The following PCDHGA8 variants were observed in gnomAD, a reference collection of about 807,000 sequenced individuals.
PCDHGA8 encodes protocadherin gamma-A8.
In PCDHGA8, 45 loss-of-function variants were observed where a neutral mutation model predicts 59.2. The ratio of observed to expected loss-of-function variants is 0.76; its 90% CI spans 0.60 to 0.98. The LOEUF is 0.98. Ranked by LOEUF, PCDHGA8 falls within the 50% of genes least tolerant of loss-of-function variation. The probability of loss-of-function intolerance (pLI) is 0.00; values close to 1 mark genes in which losing one functional copy is unlikely to be tolerated. For synonymous variants in PCDHGA8, 531 were observed against 519.0 expected (o/e 1.02, Z -0.32); for missense variants, 1,257 against 1,196.2 (o/e 1.05, Z -0.75).
intron 1 of PCDHGA8, chr5:141,427,531 A>C: frequency 1.6e-6 from 1 of 620,632 alleles, no homozygotes. Flanking sequence ...ATCCCGGAGT[A>C]CAACGTCACC....
chr5:141,401,770 T>C (rs975272408), intron 1 of PCDHGA8, among the ~76,000 whole-genome samples: 2 of 152,202 alleles, frequency 1.3e-5, no homozygotes, highest in African/African-American at 4.8e-5. Context: ...TATAAGTCTT[T>C]TGCTTGGTTT....
chr5:141,408,202 G>A (rs778320550), intron 1 of PCDHGA8: 6 of 1,549,832 alleles, frequency 3.9e-6, no homozygotes, highest in African/African-American at 1.4e-5. Flanking sequence ...CCGAGCGAAC[G>A]ATGGGAGGGA....
intron 2 of PCDHGA8, among the ~76,000 whole-genome samples, chr5:141,496,955 G>T (rs2099772887): frequency 6.6e-6 from 1 of 152,006 alleles, no homozygotes; most frequent in African/African-American, 2.4e-5. Context: ...GGAGGCCAAG[G>T]TGGGTAGATC....
chr5:141,433,352 T>C (rs976015031), intron 1 of PCDHGA8: 16 of 614,162 alleles, frequency 2.6e-5, no homozygotes, highest in Non-Finnish European at 3.7e-5. Flanking sequence ...AGCCACCTAC[T>C]GTCTGCCTAT....
At chr5:141,423,205 A>G in intron 1 of PCDHGA8, 1 of 1,613,612 alleles carries the variant, frequency 6.2e-7, no homozygotes, top group South Asian at 1.1e-5. Flanking sequence ...GGCCACCGTC[A>G]CGCTCACCGT....
intron 1 of PCDHGA8, chr5:141,403,197 G>T: frequency 6.2e-7 from 1 of 1,613,986 alleles, no homozygotes; most frequent in Non-Finnish European, 8.5e-7. Flanking sequence ...CCGCGCAGCG[G>T]CACCTTGGTC....
At chr5:141,510,845 C>T (rs2099883036) in intron 3 of PCDHGA8, 102 bp from the exon 4 acceptor site, 3 of 1,593,960 alleles carry the variant, frequency 1.9e-6, no homozygotes, top group Non-Finnish European at 2.6e-6. Context: ...TGGTCAAGGC[C>T]CAGGGTGCTG....
intron 1 of PCDHGA8, chr5:141,421,009 T>G (rs948913987): frequency 1.9e-6 from 1 of 515,496 alleles, no homozygotes. Context: ...AATCAGGGAA[T>G]GGGAAGCTGC....
intron 1 of PCDHGA8, chr5:141,408,732 A>AT: frequency 2.5e-6 from 4 of 1,610,016 alleles, no homozygotes; most frequent in Non-Finnish European, 3.4e-6. Context: ...TCTAATCCTT[A>AT]TTTTTCATTA....
intron 2 of PCDHGA8, among the ~76,000 whole-genome samples, chr5:141,501,847 C>T (rs976699397): frequency 1.3e-5 from 2 of 152,140 alleles, no homozygotes; most frequent in Admixed American, 6.5e-5. Context: ...GGCCCTCAAC[C>T]TTCAACCATT....
chr5:141,431,190 A>G lies in PCDHGA8; in HGVS notation c.2424+35953A>G, dbSNP rs1363655439. 1 of 1,614,228 alleles carries G rather than the reference A, an allele frequency of 6.2e-7. No homozygotes were observed. Among genetic ancestry groups the G allele is most frequent in the Non-Finnish European group, 8.5e-7 (1 of 1,180,038 alleles). ...AGTGAATTAGAAATAAAAATTAGTGAAAATGCAGCCACTGAGATGCGGTTC... is the reference window on the plus strand; with the variant it reads ...AGTGAATTAGAAATAAAAATTAGTGGAAATGCAGCCACTGAGATGCGGTTC... On this transcript the variant is annotated intron_variant, in intron 1 of 3. Transcript: ENST00000398604. This position sits in a 1 kb window ranked among gnomAD's most constrained non-coding sequence, Gnocchi z 4.8.
chr5:141,511,293 G>A lies in PCDHGA8; in HGVS notation c.*120G>A, dbSNP rs1028501355. On this transcript the variant is annotated 3_prime_UTR_variant, in exon 4 of 4. Coordinates refer to ENST00000398604, the MANE Select transcript of PCDHGA8 (RefSeq NM_032088.2). ...CCCCAGAATACTGGTAGGGGCCAAG[G>A]CCATGCTCCCCTTGGGAAACAGAAA... The A allele has an allele frequency of 3.3e-6, 5 of 1,509,316 alleles. No individual in the cohort carries two copies. In the African/African-American group the frequency reaches 5.6e-5, roughly 17 times the overall value. The allele number at this position is 1,509,316 out of a possible 1,614,324, so 93.5% of individuals were successfully genotyped here.
chr5:141,423,035 C>T (rs1220219512), intron 1 of PCDHGA8: 2 of 1,614,214 alleles, frequency 1.2e-6, no homozygotes, highest in Admixed American at 3.3e-5. Flanking sequence ...GGCCAGAACG[C>T]CTGGCTGTCC....
In PCDHGA8 at chr5:141,431,827, TC is replaced by T. The variant is rs571306928; in HGVS notation, c.2424+36593del. 1.2e-3 allele frequency: 2,007 copies of T among 1,614,226 alleles called. No individual in the cohort carries two copies. The highest frequency in any genetic ancestry group is 1.5e-3 in the Non-Finnish European group (1,827 of 1,180,024). On this transcript the variant is annotated intron_variant, in intron 1 of 3. Coordinates refer to ENST00000398604, the MANE Select transcript of PCDHGA8 (RefSeq NM_032088.2). This position sits in a 1 kb window ranked among gnomAD's most constrained non-coding sequence, Gnocchi z 4.8. ...TCCTCACCTCTCTCGCCAGCTCGGT[TC>T]CCGAAAACTCTCCCAGAGGGACATT...
At chr5:141,483,009 C>G (rs538900128) in intron 1 of PCDHGA8, among the ~76,000 whole-genome samples, 1 of 152,060 alleles carries the variant, frequency 6.6e-6, no homozygotes, top group South Asian at 2.1e-4. Context: ...TGCTTGAACC[C>G]GGGAGGCAGA....
intron 1 of PCDHGA8, among the ~76,000 whole-genome samples, chr5:141,479,992 G>A (rs1336315766): frequency 6.6e-6 from 1 of 152,204 alleles, no homozygotes; most frequent in Non-Finnish European, 1.5e-5. Context: ...CCAACTAGGA[G>A]TCTGTGGCCA....
chr5:141,497,892 C>T (rs2099780275), intron 2 of PCDHGA8, among the ~76,000 whole-genome samples: 1 of 152,138 alleles, frequency 6.6e-6, no homozygotes, highest in Admixed American at 6.6e-5. Flanking sequence ...AGGATCTAGT[C>T]CAGTAACTTC....
At chr5:141,429,486 A>C (rs2097218130) in intron 1 of PCDHGA8, among the ~76,000 whole-genome samples, 1 of 152,114 alleles carries the variant, frequency 6.6e-6, no homozygotes, top group Non-Finnish European at 1.5e-5. Context: ...AGTAGCTGAG[A>C]CTACAGTTGC....
intron 1 of PCDHGA8, chr5:141,414,379 A>G (rs2095740987): frequency 1.2e-6 from 2 of 1,613,912 alleles, no homozygotes; most frequent in African/African-American, 1.3e-5. Context: ...AGAAAAGTCC[A>G]TTGACAGTTA....
Sources: gnomAD v4.1 joint callset for allele counts (sites outside exome capture counted in the v4.1 genomes callset) on GRCh38, gnomAD v4.1.1 for gene constraint, Gnocchi (gnomAD v3.1) non-coding constraint, MANE v1.5 for transcripts, NCBI Gene and HGNC (gene_info 2026-07-23, HGNC 2026-07-21) for gene names.